GPM6A: variants seen among roughly 807,000 people sequenced by gnomAD.
GPM6A encodes glycoprotein M6A.
Under a neutral mutation model 32.1 loss-of-function variants are expected in GPM6A, and 7 were observed. The observed-to-expected ratio is 0.22, with a 90% CI of 0.12 to 0.41. The LOEUF (loss-of-function observed/expected upper bound fraction) is 0.41, where lower values mean the gene tolerates loss of function less well. GPM6A is among the 10% of genes least tolerant of loss of function. The probability of loss-of-function intolerance (pLI) is 1.00; values close to 1 mark genes in which losing one functional copy is unlikely to be tolerated. For missense variants in GPM6A, 235 were observed against 347.2 expected, an observed-to-expected ratio of 0.68 and a Z score of 2.57; for synonymous variants, 130 against 123.4, an observed-to-expected ratio of 1.05 and a Z score of -0.35.
chr4:175,754,851 T>C (rs1732468310), intron 1 of GPM6A, among the ~76,000 whole-genome samples: 1 of 152,136 alleles, frequency 6.6e-6, no homozygotes, highest in Admixed American at 6.6e-5. Context: ...ACAACCATTC[T>C]ATTCCAACAA....
intron 1 of GPM6A, among the ~76,000 whole-genome samples, chr4:175,853,681 A>C (rs1736331574): frequency 6.6e-6 from 1 of 152,128 alleles, no homozygotes; most frequent in Non-Finnish European, 1.5e-5. Context: ...AAGGAAAGGA[A>C]AATACCCAAC....
chr4:175,845,958 A>C (rs1250764461), intron 1 of GPM6A, among the ~76,000 whole-genome samples: 2 of 152,028 alleles, frequency 1.3e-5, no homozygotes, highest in African/African-American at 2.4e-5. Flanking sequence ...GTAGAGAAAA[A>C]AATGCTGTCC....
intron 1 of GPM6A, among the ~76,000 whole-genome samples, chr4:175,936,198 C>T (rs1387972325): frequency 1.4e-5 from 2 of 145,540 alleles, no homozygotes; most frequent in African/African-American, 2.5e-5. Flanking sequence ...TCCAGCTACT[C>T]GGGAGGCTGA....
intron 1 of GPM6A, among the ~76,000 whole-genome samples, chr4:175,869,159 A>G (rs1008788221): frequency 6.6e-6 from 1 of 152,214 alleles, no homozygotes; most frequent in Non-Finnish European, 1.5e-5. Context: ...TCAATTTGTC[A>G]AAAATCTCGC....
chr4:175,923,733 T>C (rs1377094903), intron 1 of GPM6A, among the ~76,000 whole-genome samples: 1 of 152,040 alleles, frequency 6.6e-6, no homozygotes. Context: ...TTTGTATTTT[T>C]TGTAGACACA....
At chr4:175,775,202 A>G (rs890302269) in intron 1 of GPM6A, among the ~76,000 whole-genome samples, 5 of 152,122 alleles carry the variant, frequency 3.3e-5, no homozygotes, top group African/African-American at 1.2e-4. Flanking sequence ...TGCAGTTGAG[A>G]GCAATATCTC....
intron 1 of GPM6A, among the ~76,000 whole-genome samples, chr4:176,001,249 G>A (rs896056379): frequency 2.0e-5 from 3 of 152,182 alleles, no homozygotes; most frequent in Non-Finnish European, 4.4e-5. Flanking sequence ...AAAGGACAAG[G>A]GAGAAGCAAG....
intron 1 of GPM6A, among the ~76,000 whole-genome samples, chr4:175,877,170 TGTG>T (rs1737108391): frequency 6.6e-6 from 1 of 152,192 alleles, no homozygotes; most frequent in Admixed American, 6.5e-5. Context: ...AGCAGATTCA[TGTG>T]TGGGCACAGT....
At chr4:175,831,803 C>T (rs1260497320) in intron 1 of GPM6A, among the ~76,000 whole-genome samples, 9 of 133,074 alleles carry the variant, frequency 6.8e-5, no homozygotes, top group South Asian at 2.5e-4. Context: ...TCTGCAAGCT[C>T]CTCCTCCTGG....
Position 175,701,695 on chromosome 4 carries a change from T to C in GPM6A, c.110A>G (p.Tyr37Cys). 6.2e-7 allele frequency: 1 copy of C among 1,613,894 alleles called. No homozygotes were observed. Among genetic ancestry groups the C allele is most frequent in the Non-Finnish European group, 8.5e-7 (1 of 1,179,800 alleles). The change falls in exon 2 of 7, where the codon TAT becomes TGT. Residue 37 changes from tyrosine to cysteine, a missense_variant. Coordinates refer to ENST00000393658, the MANE Select transcript of GPM6A (RefSeq NM_201591.3). ...YASLIATILL[Y>C]AGVALFCGCG... ...GCCACAGAACAGGGCAACACCCGCA[T>C]AGAGCAGGATGGTGGCAATCAGAGA... is the stretch of plus-strand genomic sequence containing the variant.
At position 175,854,459 on chromosome 4, in the gene GPM6A, A is replaced by T. The variant is rs370387540; in HGVS notation, c.-22-42210T>A. 2.1e-3 allele frequency among the ~76,000 whole-genome samples: 325 copies of T among 152,340 alleles called. 11 individuals carry two copies. In the South Asian group the frequency reaches 0.063, roughly 30 times the overall value. On this transcript the variant is annotated intron_variant, in intron 1 of 7. Coordinates refer to the GPM6A transcript ENST00000280187. Reference sequence around the variant, plus strand: ...TATTACTTCAGGCCAAGATTGAATAACTAGGACTGGATTTACCTTTATACC... The same window carrying T: ...TATTACTTCAGGCCAAGATTGAATATCTAGGACTGGATTTACCTTTATACC...
chr4:175,684,900 T>A (rs925360432), intron 2 of GPM6A, among the ~76,000 whole-genome samples: 13 of 152,158 alleles, frequency 8.5e-5, no homozygotes, highest in Non-Finnish European at 1.5e-4. Context: ...TATTATTATT[T>A]TTTTTTGAGA....
rs1376085503 is a variant in GPM6A, at chr4:175,746,457, C to T, written c.38-44690G>A. ...ATTCTGCACCAATGCTTTGTGTGTT[C>T]TCTTAAAAGACCAGATTTAAAATCT... On this transcript the variant is annotated intron_variant, in intron 1 of 6. Transcript: ENST00000393658. Among the ~76,000 whole-genome samples the T allele has an allele frequency of 3.9e-5, 6 of 152,120 alleles. No homozygotes were observed. In the South Asian group the frequency reaches 1.0e-3, roughly 26 times the overall value.
At chr4:175,638,029 C>T (rs769899494) in intron 6 of GPM6A, among the ~76,000 whole-genome samples, 60 of 148,154 alleles carry the variant, frequency 4.0e-4, no homozygotes, top group Non-Finnish European at 7.4e-4. Context: ...TTATTACTGT[C>T]CCTCGCTAGG....
intron 1 of GPM6A, among the ~76,000 whole-genome samples, chr4:175,719,330 C>G (rs1373154085): frequency 6.6e-6 from 1 of 151,940 alleles, no homozygotes; most frequent in Non-Finnish European, 1.5e-5. Flanking sequence ...TCCCGAGTAG[C>G]TGGGACTACA....
At chr4:175,794,267 T>C (rs1195302035) in intron 1 of GPM6A, among the ~76,000 whole-genome samples, 4 of 152,224 alleles carry the variant, frequency 2.6e-5, no homozygotes, top group African/African-American at 9.6e-5. Context: ...ATAATGCACT[T>C]GAAACAGTGC....
intron 1 of GPM6A, among the ~76,000 whole-genome samples, chr4:175,750,040 A>G (rs2643990): frequency 0.72 from 110,009 of 151,942 alleles, 40,016 homozygotes; most frequent in East Asian, 0.89. Context: ...AATGTCCTCT[A>G]ATCTTTATTC....
At chr4:175,769,443 C>A (rs916980108) in intron 1 of GPM6A, among the ~76,000 whole-genome samples, 1 of 144,694 alleles carries the variant, frequency 6.9e-6, no homozygotes, top group African/African-American at 2.6e-5. Context: ...AATGAGGAAT[C>A]AGATTAGCAA....
chr4:175,981,710 T>G (rs1224327323), intron 1 of GPM6A, among the ~76,000 whole-genome samples: 1 of 152,122 alleles, frequency 6.6e-6, no homozygotes, highest in Non-Finnish European at 1.5e-5. Context: ...GATTTTTGAG[T>G]CAACATACAT....
Sources: gnomAD v4.1 joint callset for allele counts (sites outside exome capture counted in the v4.1 genomes callset) on GRCh38, gnomAD v4.1.1 for gene constraint, MANE v1.5 for transcripts, NCBI Gene and HGNC (gene_info 2026-07-23, HGNC 2026-07-21) for gene names.